RYR2: variants seen among roughly 807,000 people sequenced by gnomAD.
RYR2 encodes the protein ryanodine receptor 2.
RYR2 carries 227 observed loss-of-function variants against 601.1 expected under a neutral mutation model. That is an observed-to-expected ratio of 0.38 (90% CI 0.34 to 0.42). RYR2 has a LOEUF of 0.42. Ranked by LOEUF, RYR2 falls within the 10% of genes least tolerant of loss-of-function variation. The pLI, the probability that RYR2 is intolerant of heterozygous loss-of-function variation, is 1.00. For missense variants in RYR2, 4,646 were observed against 6,156.5 expected, an observed-to-expected ratio of 0.75 and a Z score of 8.21; for synonymous variants, 2,223 against 2,175.1, an observed-to-expected ratio of 1.02 and a Z score of -0.61.
chr1:237,570,338 A>ATT (rs202206483), intron 29 of RYR2, among the ~76,000 whole-genome samples: 210 of 143,056 alleles, frequency 1.5e-3, no homozygotes, highest in African/African-American at 5.0e-3. Flanking sequence ...GTTAGTTTGA[A>ATT]TTTTTTTTTT....
chr1:237,785,846 C>A, intron 90 of RYR2, 123 bp from the exon 91 acceptor site: 1 of 715,774 alleles, frequency 1.4e-6, no homozygotes. Context: ...GCGCTTTTAT[C>A]GTGGTATAAG....
intron 1 of RYR2, among the ~76,000 whole-genome samples, chr1:237,262,850 C>T (rs1010105159): frequency 4.0e-5 from 6 of 151,406 alleles, no homozygotes; most frequent in African/African-American, 7.3e-5. Context: ...AAAAAAATCT[C>T]GGAAGACTGG....
At chr1:237,219,437 T>A (rs1683554066) in intron 1 of RYR2, among the ~76,000 whole-genome samples, 1 of 152,222 alleles carries the variant, frequency 6.6e-6, no homozygotes, top group Admixed American at 6.5e-5. Context: ...CTTGTGGCTC[T>A]TTCTTAGAGG....
At chr1:237,673,941 A>G (rs1685171694) in intron 58 of RYR2, among the ~76,000 whole-genome samples, 155 bp from the exon 59 acceptor site, 4 of 152,208 alleles carry the variant, frequency 2.6e-5, no homozygotes, top group Non-Finnish European at 2.9e-5. Flanking sequence ...ATTAATTGAA[A>G]CATTAAAGGC....
chr1:237,556,120 G>GT (rs768465812), intron 27 of RYR2, among the ~76,000 whole-genome samples: 11 of 151,830 alleles, frequency 7.2e-5, no homozygotes, highest in Non-Finnish European at 1.3e-4. Flanking sequence ...TTTCATCTTC[G>GT]TAACACCGTT....
intron 29 of RYR2, among the ~76,000 whole-genome samples, chr1:237,572,924 G>A (rs991524425): frequency 2.6e-5 from 4 of 152,084 alleles, no homozygotes; most frequent in African/African-American, 7.2e-5. Context: ...GTCACTACTG[G>A]GAGCTAGCAT....
intron 3 of RYR2, among the ~76,000 whole-genome samples, chr1:237,352,667 C>T (rs1430999563): frequency 6.6e-6 from 1 of 152,134 alleles, no homozygotes; most frequent in Non-Finnish European, 1.5e-5. Flanking sequence ...AGGTTAGAGT[C>T]TTTGACTCCT....
chr1:237,269,190 G>C (rs941309971), intron 1 of RYR2, among the ~76,000 whole-genome samples: 3 of 151,282 alleles, frequency 2.0e-5, no homozygotes, highest in African/African-American at 7.3e-5. Context: ...TTACAGGCAT[G>C]TGCCACCACG....
chr1:237,577,238 C>T (rs554740771), intron 29 of RYR2, among the ~76,000 whole-genome samples: 114 of 152,184 alleles, frequency 7.5e-4, no homozygotes, highest in African/African-American at 2.0e-3. Context: ...CTGGAAACTA[C>T]GGTAATAAAT....
At chr1:237,596,591 C>T (rs1029901307) in intron 34 of RYR2, among the ~76,000 whole-genome samples, 10 of 152,116 alleles carry the variant, frequency 6.6e-5, no homozygotes, top group Non-Finnish European at 1.0e-4. Context: ...GCACAGAAAA[C>T]GTTTAACAAA....
intron 2 of RYR2, among the ~76,000 whole-genome samples, chr1:237,289,041 A>C (rs746049402): frequency 1.2e-4 from 18 of 152,122 alleles, no homozygotes; most frequent in Non-Finnish European, 2.2e-4. Flanking sequence ...CTCCAGGTAA[A>C]GTTGTAAACT....
At chr1:237,135,917 C>G (rs747427627) in intron 1 of RYR2, among the ~76,000 whole-genome samples, 97 of 152,188 alleles carry the variant, frequency 6.4e-4, no homozygotes, top group Non-Finnish European at 7.2e-4. Flanking sequence ...GTGGCTACTC[C>G]TCTGCTTGGC....
At chr1:237,374,836 C>T (rs1466991908) in intron 7 of RYR2, 41 bp downstream of exon 7, 3 of 1,510,324 alleles carry the variant, frequency 2.0e-6, no homozygotes, top group Non-Finnish European at 2.7e-6. Flanking sequence ...TCAGAGAGAA[C>T]CCTGCAGGGG....
chr1:237,391,333 T>C (rs1173787368), intron 10 of RYR2, among the ~76,000 whole-genome samples: 3 of 152,146 alleles, frequency 2.0e-5, no homozygotes, highest in African/African-American at 4.8e-5. Context: ...GTAAAAGTAA[T>C]TTGATTTTTG....
chr1:237,352,446 T>C (rs1430375526), intron 3 of RYR2, among the ~76,000 whole-genome samples: 1 of 151,994 alleles, frequency 6.6e-6, no homozygotes, highest in African/African-American at 2.4e-5. Context: ...AAAATAAAGA[T>C]GACCTTAAAA....
intron 1 of RYR2, among the ~76,000 whole-genome samples, chr1:237,119,961 G>A (rs1021571887): frequency 6.6e-6 from 1 of 152,264 alleles, no homozygotes; most frequent in Non-Finnish European, 1.5e-5. Context: ...CTTTCTGTCC[G>A]AGAGCACAGG....
rs1186402933 is a variant in RYR2 at position 237,674,096 on chromosome 1, G to A, written c.8591G>A (p.Gly2864Glu). Residue 2864 changes from glycine to glutamate, a missense_variant and splice_region_variant, in exon 59 of 105, where the codon GGA becomes GAA. By Grantham distance (98) the Gly-to-Glu change is moderately conservative. Around this residue, in one of 17 missense-constraint regions of RYR2, gnomAD observed 1,497 missense variants for 1,842.6 expected, o/e 0.81. Coordinates refer to ENST00000366574, the MANE Select transcript of RYR2 (RefSeq NM_001035.3). ...TGTTCTTGTCCTGACATACTCTTAG[G>A]AGGAGGAAACCATCCTCTGCTGGTG... ...KKKKMELESKGGGNHPLLVPY... is the reference protein window; with the variant it reads ...KKKKMELESKEGGNHPLLVPY... The A allele has an allele frequency of 6.2e-7, 1 of 1,610,772 alleles. No individual in the cohort carries two copies. Among genetic ancestry groups the A allele is most frequent in the Non-Finnish European group, 8.5e-7 (1 of 1,177,430 alleles).
At chr1:237,245,990 C>A (rs1330919410) in intron 1 of RYR2, among the ~76,000 whole-genome samples, 2 of 152,202 alleles carry the variant, frequency 1.3e-5, no homozygotes, top group Non-Finnish European at 2.9e-5. Context: ...CCATGTTGAC[C>A]TGGCTGGTCT....
Position 237,177,433 on chromosome 1 carries a change from C to T in RYR2, c.49-93064C>T, listed in dbSNP as rs146680384. Among the ~76,000 whole-genome samples, 892 of 152,310 alleles carry T rather than the reference C, an allele frequency of 5.9e-3. 10 individuals are homozygous for T. Among genetic ancestry groups the T allele is most frequent in the African/African-American group, 0.02 (824 of 41,560 alleles). Reference sequence around the variant, plus strand: ...CCTGATCACAATTCCTACTTCCCAACTGATAATTCCTATCCTGAATTCTAA... The same window carrying T: ...CCTGATCACAATTCCTACTTCCCAATTGATAATTCCTATCCTGAATTCTAA... On this transcript the variant is annotated intron_variant, in intron 1 of 104. Transcript: ENST00000366574.
Sources: allele counts gnomAD v4.1 joint callset (sites outside exome capture counted in the v4.1 genomes callset), GRCh38; gene constraint gnomAD v4.1.1; regional missense constraint gnomAD v4.1.1; transcripts MANE v1.5; gene names NCBI Gene and HGNC (gene_info 2026-07-23, HGNC 2026-07-21).